The following HS6ST1 variants were observed in gnomAD, a reference collection of about 807,000 sequenced individuals.
The protein encoded by HS6ST1 is heparan sulfate 6-O-sulfotransferase 1, also known as heparan-sulfate 6-O-sulfotransferase 1.
A neutral mutation model predicts 25.2 loss-of-function variants in HS6ST1; 3 were observed. The ratio of observed to expected loss-of-function variants is 0.12; its 90% CI spans 0.05 to 0.31. The LOEUF is 0.31. HS6ST1 is among the 10% of genes least tolerant of loss of function. HS6ST1 has a pLI of 1.00. For missense variants in HS6ST1, 310 were observed against 609.6 expected, an observed-to-expected ratio of 0.51 and a Z score of 5.18; for synonymous variants, 204 against 275.1, an observed-to-expected ratio of 0.74 and a Z score of 2.56.
At chr2:128,311,029 G>C (rs1694283261) in intron 1 of HS6ST1, among the ~76,000 whole-genome samples, 1 of 151,924 alleles carries the variant, frequency 6.6e-6, no homozygotes. Context: ...GCAAAACCCT[G>C]TGTGTGGGAG....
intron 1 of HS6ST1, among the ~76,000 whole-genome samples, chr2:128,288,501 A>C (rs2104922707): frequency 6.6e-6 from 1 of 152,302 alleles, no homozygotes; most frequent in East Asian, 1.9e-4. Flanking sequence ...CACAATGGGC[A>C]AAAGAGCCAC....
intron 1 of HS6ST1, among the ~76,000 whole-genome samples, chr2:128,305,951 C>G (rs531919077): frequency 9.9e-5 from 15 of 152,158 alleles, no homozygotes; most frequent in African/African-American, 2.7e-4. Context: ...CTGGCTCCCC[C>G]ACTCTGGGGA....
intron 1 of HS6ST1, among the ~76,000 whole-genome samples, chr2:128,269,633 G>A (rs1384277013): frequency 3.9e-5 from 6 of 152,066 alleles, no homozygotes; most frequent in Admixed American, 2.6e-4. Context: ...GGATATGCCC[G>A]GTGTGTGTGT....
intron 1 of HS6ST1, among the ~76,000 whole-genome samples, chr2:128,277,021 T>G (rs894268723): frequency 2.0e-5 from 3 of 152,022 alleles, no homozygotes; most frequent in Non-Finnish European, 4.4e-5. Flanking sequence ...AACCATGAAT[T>G]AATGAGTCTG....
At chr2:128,317,769 G>A (rs898881337) in intron 1 of HS6ST1, among the ~76,000 whole-genome samples, 3 of 152,204 alleles carry the variant, frequency 2.0e-5, no homozygotes, top group Non-Finnish European at 2.9e-5. Context: ...GAGAAAACCC[G>A]GGCGCTGCGC....
chr2:128,298,552 C>A (rs1200861580), intron 1 of HS6ST1, among the ~76,000 whole-genome samples: 1 of 152,108 alleles, frequency 6.6e-6, no homozygotes, highest in East Asian at 1.9e-4. Flanking sequence ...TTATGCTAAG[C>A]CAGTCGTGAA....
At chr2:128,274,485 T>C (rs1693660498) in intron 1 of HS6ST1, among the ~76,000 whole-genome samples, 1 of 152,100 alleles carries the variant, frequency 6.6e-6, no homozygotes, top group Non-Finnish European at 1.5e-5. Context: ...ACTTAGGAAA[T>C]TTACCTTCTG....
chr2:128,301,651 T>C (rs1346950651), intron 1 of HS6ST1, among the ~76,000 whole-genome samples: 2 of 152,174 alleles, frequency 1.3e-5, no homozygotes, highest in Non-Finnish European at 2.9e-5. Context: ...TGGGGATGTG[T>C]GTATATGAGC....
At chr2:128,312,083 C>T (rs13000253) in intron 1 of HS6ST1, among the ~76,000 whole-genome samples, 1 of 152,212 alleles carries the variant, frequency 6.6e-6, no homozygotes, top group East Asian at 1.9e-4. Flanking sequence ...CACAGGCCTA[C>T]ATGTGAAACT....
chr2:128,303,978 C>G (rs902660518), intron 1 of HS6ST1, among the ~76,000 whole-genome samples: 16 of 152,212 alleles, frequency 1.1e-4, no homozygotes, highest in South Asian at 4.1e-4. Context: ...AATCTCCTCT[C>G]TCTTCTGGAG....
At chr2:128,305,201 T>C (rs1292450363) in intron 1 of HS6ST1, among the ~76,000 whole-genome samples, 3 of 152,226 alleles carry the variant, frequency 2.0e-5, no homozygotes, top group Non-Finnish European at 4.4e-5. Context: ...TTTTACCCAC[T>C]TGGCTGAAAC....
At chr2:128,290,815 T>TAGA (rs1573699539) in intron 1 of HS6ST1, among the ~76,000 whole-genome samples, 1 of 3,486 alleles carries the variant, frequency 2.9e-4, no homozygotes, top group East Asian at 0.024. Flanking sequence ...CTACTAAAAA[T>TAGA]ACAAAAAAAA....
intron 1 of HS6ST1, among the ~76,000 whole-genome samples, chr2:128,273,102 C>T (rs1315196033): frequency 6.6e-6 from 1 of 152,216 alleles, no homozygotes; most frequent in African/African-American, 2.4e-5. Context: ...GGGAACCACA[C>T]CAGGGAGGCG....
chr2:128,300,630 A>G (rs1694110544), intron 1 of HS6ST1, among the ~76,000 whole-genome samples: 1 of 151,992 alleles, frequency 6.6e-6, no homozygotes, highest in Non-Finnish European at 1.5e-5. Flanking sequence ...TCTTCGGGGG[A>G]GGCTGTAACT....
intron 1 of HS6ST1, among the ~76,000 whole-genome samples, chr2:128,277,514 C>T (rs989607431): frequency 2.6e-5 from 4 of 152,218 alleles, no homozygotes; most frequent in South Asian, 2.1e-4. Context: ...ATCCCCGAGG[C>T]GCCCTATCTG....
chr2:128,300,506 T>A (rs1204745000), intron 1 of HS6ST1, among the ~76,000 whole-genome samples: 1 of 152,188 alleles, frequency 6.6e-6, no homozygotes, highest in Non-Finnish European at 1.5e-5. Flanking sequence ...CACGGGGGTA[T>A]CTCTGGGTTC....
chr2:128,273,348 G>GT (rs1693640754), intron 1 of HS6ST1, among the ~76,000 whole-genome samples: 2 of 152,198 alleles, frequency 1.3e-5, no homozygotes, highest in Non-Finnish European at 2.9e-5. Flanking sequence ...TAGACAAAGG[G>GT]CCAGCCAGAC....
chr2:128,291,574 G>A, intron 1 of HS6ST1, among the ~76,000 whole-genome samples: 1 of 152,232 alleles, frequency 6.6e-6, no homozygotes, highest in Non-Finnish European at 1.5e-5. Context: ...CTGAGGGAGA[G>A]CCCCTGGCTG....
chr2:128,287,956 C>A (rs1041763096), intron 1 of HS6ST1, among the ~76,000 whole-genome samples: 1 of 152,266 alleles, frequency 6.6e-6, no homozygotes, highest in African/African-American at 2.4e-5. Flanking sequence ...TGGCTTCTGA[C>A]ACCGGCAGGC....
Sources: gnomAD v4.1 joint callset for allele counts (sites outside exome capture counted in the v4.1 genomes callset) on GRCh38, gnomAD v4.1.1 for gene constraint, MANE v1.5 for transcripts, NCBI Gene and HGNC (gene_info 2026-07-23, HGNC 2026-07-21) for gene names.